TLR4: variants seen among roughly 807,000 people sequenced by gnomAD.
TLR4 encodes toll like receptor 4, also known as toll-like receptor 4.
In TLR4, 17 loss-of-function variants were observed where a neutral mutation model predicts 27.4. That is an observed-to-expected ratio of 0.62 (90% CI 0.42 to 0.93). TLR4 has a LOEUF of 0.93. Among genes scored for constraint, TLR4 ranks in the 40% least tolerant of loss-of-function variants. TLR4 has a pLI of 0.00. For missense variants in TLR4, 926 were observed against 962.3 expected (o/e 0.96, Z 0.50); for synonymous variants, 363 against 365.7 (o/e 0.99, Z 0.08).
Position 117,714,365 on chromosome 9 carries a change from G to C in TLR4, c.2237G>C (p.Trp746Ser), listed in dbSNP as rs1390343446. Residue 746 changes from tryptophan to serine, a missense_variant, in exon 3 of 3, where the codon TGG becomes TCG. Transcript: ENST00000355622. ...VVSQHFIQSR[W>S]CIFEYEIAQT... ...TCCCAGCACTTCATCCAGAGCCGCT[G>C]GTGTATCTTTGAATATGAGATTGCT... 6.2e-7 allele frequency: 1 copy of C among 1,602,882 alleles called. No individual in the cohort carries two copies. Among genetic ancestry groups the C allele is most frequent in the East Asian group, 2.2e-5 (1 of 44,488 alleles).
rs1173018059 is a variant in TLR4, at chr9:117,704,502, T to C, written c.30T>C (p.Thr10=). 1 of 1,613,594 alleles carries C rather than the reference T, an allele frequency of 6.2e-7. No individual in the cohort carries two copies. The highest frequency in any genetic ancestry group is 8.5e-7 in the Non-Finnish European group (1 of 1,179,942). MMSASRLAG[T]LIPAMAFLSC... Reference sequence around the variant, plus strand: ...TGTCTGCCTCGCGCCTGGCTGGGACTCTGATCCCAGCCATGGCCTTCCTCT... The same window carrying C: ...TGTCTGCCTCGCGCCTGGCTGGGACCCTGATCCCAGCCATGGCCTTCCTCT... The change falls in exon 1 of 3, where the codon ACT becomes ACC. Residue 10 remains threonine, a synonymous_variant. Transcript: ENST00000355622.
Position 117,712,540 on chromosome 9 carries a change from C to T in TLR4, c.412C>T (p.Leu138=), listed in dbSNP as rs745487743. 6.2e-7 allele frequency: 1 copy of T among 1,613,852 alleles called. No homozygotes were observed. Among genetic ancestry groups the T allele is most frequent in the Non-Finnish European group, 8.5e-7 (1 of 1,179,956 alleles). Reference sequence around the variant, plus strand: ...GAAGCTGGTGGCTGTGGAGACAAATCTAGCATCTCTAGAGAACTTCCCCAT... The same window carrying T: ...GAAGCTGGTGGCTGTGGAGACAAATTTAGCATCTCTAGAGAACTTCCCCAT... The part of the protein sequence containing the change: ...LQKLVAVETN[L]ASLENFPIGH... Residue 138 remains leucine, a synonymous_variant, in exon 3 of 3, where the codon CTA becomes TTA. Transcript: ENST00000355622.
At position 117,713,779 on chromosome 9, in the gene TLR4, T is replaced by C; in HGVS notation, c.1651T>C (p.Tyr551His). ...TCTGAACTCCCTCCAGGTTCTTGAT[T>C]ACAGTCTCAATCACATAATGACTTC... The part of the protein sequence containing the change: ...KCLNSLQVLD[Y>H]SLNHIMTSKK... The change falls in exon 3 of 3, where the codon TAC becomes CAC. Residue 551 changes from tyrosine to histidine, a missense_variant. By Grantham distance (83) the Tyr-to-His change is moderately conservative (BLOSUM62 2). Coordinates refer to ENST00000355622, the MANE Select transcript of TLR4 (RefSeq NM_138554.5). 6.2e-7 allele frequency: 1 copy of C among 1,614,008 alleles called. No individual in the cohort carries two copies. Among genetic ancestry groups the C allele is most frequent in the Non-Finnish European group, 8.5e-7 (1 of 1,180,006 alleles).
In TLR4 at chr9:117,714,366, G is replaced by A. The variant is rs1326222126; in HGVS notation, c.2238G>A (p.Trp746Ter). The change falls in exon 3 of 3, where the codon TGG becomes TGA. Residue 746 changes from tryptophan to a stop codon, truncating the protein, a stop_gained. Transcript: ENST00000355622. LOFTEE classifies it high-confidence loss of function. ...VVSQHFIQSR[W>*]CIFEYEIAQT... ...CCCAGCACTTCATCCAGAGCCGCTG[G>A]TGTATCTTTGAATATGAGATTGCTC... The A allele has an allele frequency of 1.2e-6, 2 of 1,603,110 alleles. No individual in the cohort carries two copies. The highest frequency in any genetic ancestry group is 2.2e-5 in the East Asian group (1 of 44,492).
Position 117,716,945 on chromosome 9 carries a change from T to C in TLR4, c.*2297T>C, listed in dbSNP as rs1242681353. The C allele has an allele frequency of 6.6e-6, 1 of 152,144 alleles. No homozygotes were observed. Among genetic ancestry groups the C allele is most frequent in the Non-Finnish European group, 1.5e-5 (1 of 68,010 alleles). The allele number at this position is 152,144 out of a possible 1,614,324, so 9.4% of individuals were successfully genotyped here. A position where few individuals can be genotyped will look rare whatever the true frequency, so the allele number is the denominator to read the frequency against. ...GTCAAAACTGGAAATATGACCACAG[T>C]CAGAAGTGTTTGTTACTGAGTGTTT... On this transcript the variant is annotated 3_prime_UTR_variant, in exon 3 of 3. Transcript: ENST00000355622.
Position 117,718,055 on chromosome 9 carries a change from C to T in TLR4, c.*3407C>T, listed in dbSNP as rs1829379772. On this transcript the variant is annotated 3_prime_UTR_variant, in exon 3 of 3. Coordinates refer to ENST00000355622, the MANE Select transcript of TLR4 (RefSeq NM_138554.5). ...GATACCTTACAACTTGAAACATATTCACAAAACTATATATTTGAATATCTC... is the reference window on the plus strand; with the variant it reads ...GATACCTTACAACTTGAAACATATTTACAAAACTATATATTTGAATATCTC... 6.6e-6 allele frequency: 1 copy of T among 152,140 alleles called. No homozygotes were observed. The highest frequency in any genetic ancestry group is 2.1e-4 in the South Asian group (1 of 4,834). 9.4% of individuals were successfully genotyped at this position (152,140 alleles called of 1,614,324 possible). A position where few individuals can be genotyped will look rare whatever the true frequency, so the allele number is the denominator to read the frequency against.
rs1829448480 is a variant in TLR4, at chr9:117,723,784, A to G, written c.*9136A>G. ...TTTAATTATCTTAAAGGAGAAGAAT[A>G]CAGTTTCTCTAAACTCAAGCACTTT... On this transcript the variant is annotated 3_prime_UTR_variant, in exon 3 of 3. Coordinates refer to ENST00000355622, the MANE Select transcript of TLR4 (RefSeq NM_138554.5). The G allele has an allele frequency of 1.3e-5, 2 of 152,206 alleles. No homozygotes were observed. The highest frequency in any genetic ancestry group is 2.9e-5 in the Non-Finnish European group (2 of 68,034). The allele number at this position is 152,206 out of a possible 1,614,324, so 9.4% of individuals were successfully genotyped here.
rs1410815276 is a variant in TLR4, at chr9:117,723,578, C to G, written c.*8930C>G. ...AATTTAGGGAAGTGCTACATAAATG[C>G]AAGGAGTTATTATGATAACAGATTG... On this transcript the variant is annotated 3_prime_UTR_variant, in exon 3 of 3. Coordinates refer to ENST00000355622, the MANE Select transcript of TLR4 (RefSeq NM_138554.5). 6.6e-6 allele frequency: 1 copy of G among 152,068 alleles called. No individual in the cohort carries two copies. Among genetic ancestry groups the G allele is most frequent in the Non-Finnish European group, 1.5e-5 (1 of 68,004 alleles). 9.4% of individuals were successfully genotyped at this position (152,068 alleles called of 1,614,324 possible).
intron 2 of TLR4, among the ~76,000 whole-genome samples, chr9:117,712,142 T>A (rs557511314): frequency 5.9e-5 from 9 of 152,282 alleles, no homozygotes; most frequent in African/African-American, 2.2e-4. Context: ...TTTTCTCCTC[T>A]GCTTATCATG....
intron 2 of TLR4, 138 bp downstream of exon 2, chr9:117,708,867 T>C: frequency 1.8e-6 from 2 of 1,137,550 alleles, no homozygotes; most frequent in South Asian, 1.4e-5. Context: ...TCTTATTAAC[T>C]ATATAACCTT....
Position 117,713,178 on chromosome 9 carries a change from C to G in TLR4, c.1050C>G (p.Leu350=), listed in dbSNP as rs766732836. Residue 350 remains leucine (L), a synonymous_variant, in exon 3 of 3, where the codon CTC becomes CTG. Transcript: ENST00000355622. ...CKFGQFPTLK[L]KSLKRLTFTS... is the part of the protein sequence containing the mutation. ...TTGGACAGTTTCCCACATTGAAACT[C>G]AAATCTCTCAAAAGGCTTACTTTCA... 6 of 1,613,848 alleles carry G rather than the reference C, an allele frequency of 3.7e-6. No homozygotes were observed. Among genetic ancestry groups the G allele is most frequent in the Middle Eastern group, 1.6e-4 (1 of 6,082 alleles).
intron 1 of TLR4, chr9:117,708,180 T>C (rs1829167834): frequency 9.8e-7 from 1 of 1,017,624 alleles, no homozygotes; most frequent in African/African-American, 1.7e-5. Flanking sequence ...GTTCGTTTTA[T>C]TTTGTTTTGT....
intron 2 of TLR4, among the ~76,000 whole-genome samples, chr9:117,711,806 G>T (rs558084017): frequency 6.6e-6 from 1 of 152,032 alleles, no homozygotes; most frequent in Admixed American, 6.6e-5. Context: ...CACAAAACTC[G>T]CTCCTATCAC....
intron 1 of TLR4, among the ~76,000 whole-genome samples, chr9:117,706,899 G>C (rs2131163001): frequency 6.6e-6 from 1 of 152,196 alleles, no homozygotes; most frequent in East Asian, 1.9e-4. Context: ...ATTTTTCTTT[G>C]TAATGCCCAC....
Position 117,714,872 on chromosome 9 carries a change from A to G in TLR4, c.*224A>G, listed in dbSNP as rs113464348. 1.4e-4 allele frequency: 80 copies of G among 578,718 alleles called. 1 individual carries two copies. The highest frequency in any genetic ancestry group is 1.2e-3 in the African/African-American group (63 of 53,534). The allele number at this position is 578,718 out of a possible 1,614,324, so 35.8% of individuals were successfully genotyped here. A position where few individuals can be genotyped will look rare whatever the true frequency, so the allele number is the denominator to read the frequency against. ...GTCTTCCAGGTGGGCATTTCAACCA[A>G]CTCAGTCAAGGAACCCATGACAAAG... On this transcript the variant is annotated 3_prime_UTR_variant, in exon 3 of 3. Transcript: ENST00000355622.
chr9:117,709,574 A>T (rs967792762), intron 2 of TLR4, among the ~76,000 whole-genome samples: 2 of 152,142 alleles, frequency 1.3e-5, no homozygotes, highest in African/African-American at 2.4e-5. Flanking sequence ...GGTTTTCATC[A>T]TCGGGGCCTT....
chr9:117,710,256 TCA>T (rs1829209041), intron 2 of TLR4, among the ~76,000 whole-genome samples: 1 of 151,988 alleles, frequency 6.6e-6, no homozygotes, highest in Admixed American at 6.6e-5. Flanking sequence ...TCTATTTTTG[TCA>T]TCTTTATGTC....
rs1444996839 is a variant in TLR4, at chr9:117,721,311, T to C, written c.*6663T>C. 1 of 152,268 alleles carries C rather than the reference T, an allele frequency of 6.6e-6. No individual in the cohort carries two copies. The highest frequency in any genetic ancestry group is 2.4e-5 in the African/African-American group (1 of 41,466). The allele number at this position is 152,268 out of a possible 1,614,324, so 9.4% of individuals were successfully genotyped here. A position where few individuals can be genotyped will look rare whatever the true frequency, so the allele number is the denominator to read the frequency against. ...CTACAAATTATTTAGTTTCCACTCA[T>C]AAGTGAGAGCATGGATGGAACTGGA... is the stretch of plus-strand genomic sequence containing the variant. On this transcript the variant is annotated 3_prime_UTR_variant, in exon 3 of 3. Coordinates refer to ENST00000355622, the MANE Select transcript of TLR4 (RefSeq NM_138554.5).
intron 1 of TLR4, 99 bp downstream of exon 1, chr9:117,704,664 G>C (rs990404015): frequency 3.3e-6 from 3 of 905,062 alleles, no homozygotes; most frequent in Non-Finnish European, 5.2e-6. Context: ...AAAAAAAAAA[G>C]AGTTAAATTA....
Sources: gnomAD v4.1 joint callset for allele counts (sites outside exome capture counted in the v4.1 genomes callset) on GRCh38, gnomAD v4.1.1 for gene constraint, MANE v1.5 for transcripts, NCBI Gene and HGNC (gene_info 2026-07-23, HGNC 2026-07-21) for gene names.